The following TBX22 variants were observed in gnomAD, a reference collection of about 807,000 sequenced individuals.
The protein encoded by TBX22 is T-box transcription factor TBX22.
Under a neutral mutation model 30.1 loss-of-function variants are expected in TBX22, and 8 were observed. The observed-to-expected ratio is 0.27, with a 90% CI of 0.16 to 0.48. TBX22 has a LOEUF of 0.48. Among genes scored for constraint, TBX22 ranks in the 20% least tolerant of loss-of-function variants. TBX22 has a pLI of 0.99. For synonymous variants in TBX22, 173 were observed against 149.1 expected (o/e 1.16, Z -1.17); for missense variants, 463 against 400.5 (o/e 1.16, Z -1.33).
chrX:80,028,480 A>C lies in TBX22; in HGVS notation c.949+404A>C, dbSNP rs188419823. ...ATGAGGACCTTTCAGTACATGTTAA[A>C]ATGACTTTCATTAAATTCATCACTG... On this transcript the variant is annotated intron_variant, in intron 8 of 8. Coordinates refer to ENST00000373296, the MANE Select transcript of TBX22 (RefSeq NM_001109878.2). 4.5e-5 allele frequency among the ~76,000 whole-genome samples: 5 copies of C among 111,995 alleles called. No individual in the cohort carries two copies. In the Admixed American group the frequency reaches 4.7e-4, roughly 11 times the overall value.
At chrX:80,027,196 GGC>G in intron 6 of TBX22, 58 bp from the exon 7 acceptor site, 2 of 655,663 alleles carry the variant, frequency 3.1e-6, no homozygotes, top group Non-Finnish European at 5.1e-6. Flanking sequence ...TATAAGCAAT[GGC>G]AACAGTGTTC....
At position 80,031,141 on chromosome X, in the gene TBX22, A is replaced by C; in HGVS notation, c.*30A>C. 1 of 1,176,242 alleles carries C rather than the reference A, an allele frequency of 8.5e-7. No individual in the cohort carries two copies. Among genetic ancestry groups the C allele is most frequent in the Non-Finnish European group, 1.1e-6 (1 of 870,761 alleles). ...ACAATAGCATTTCTAGAACAATTAC[A>C]TGTAAACAAATATTTTCTTTATTTG... On this transcript the variant is annotated 3_prime_UTR_variant, in exon 9 of 9. Coordinates refer to ENST00000373296, the MANE Select transcript of TBX22 (RefSeq NM_001109878.2).
intron 1 of TBX22, among the ~76,000 whole-genome samples, chrX:80,021,643 A>T (rs1403261809): frequency 9.0e-6 from 1 of 111,265 alleles, no homozygotes; most frequent in Non-Finnish European, 1.9e-5. Context: ...CTACTTCCCT[A>T]TCTATAGCTT....
At position 80,026,352 on chromosome X, in the gene TBX22, G is replaced by T. The variant is rs764215374; in HGVS notation, c.634-352G>T. On this transcript the variant is annotated intron_variant, in intron 5 of 8. Transcript: ENST00000373296. ...GAAGCTCCCAAGATTAGGAGGTAGG[G>T]TATGTCAGGTTACCCACCATATCCA... Among the ~76,000 whole-genome samples the T allele has an allele frequency of 1.8e-4, 20 of 111,640 alleles. No individual in the cohort carries two copies. The South Asian group carries it at 7.6e-3, about 42-fold the overall frequency.
intron 1 of TBX22, among the ~76,000 whole-genome samples, chrX:80,015,547 G>A (rs1326803504): frequency 8.9e-6 from 1 of 112,505 alleles, no homozygotes; most frequent in African/African-American, 3.2e-5. Context: ...GAACATCAAA[G>A]TGTGCCAAAA....
chrX:80,025,987 A>T (rs1923956980), intron 5 of TBX22, among the ~76,000 whole-genome samples: 1 of 111,304 alleles, frequency 9.0e-6, no homozygotes, highest in Non-Finnish European at 1.9e-5. Flanking sequence ...GGGGATGGTG[A>T]ATATAGGGAG....
Position 80,022,262 on chromosome X carries a change from C to A in TBX22, c.-2-6C>A. 1 of 1,211,138 alleles carries A rather than the reference C, an allele frequency of 8.3e-7. No homozygotes were observed. The highest frequency in any genetic ancestry group is 1.1e-6 in the Non-Finnish European group (1 of 895,210). ...TTGCTGCAAAGAATCCCTTCACCCC[C>A]TCCAGGGATGGCTCTGAGCTCTCGG... On this transcript the variant is annotated splice_region_variant and splice_polypyrimidine_tract_variant and intron_variant, in intron 1 of 8. Coordinates refer to ENST00000373296, the MANE Select transcript of TBX22 (RefSeq NM_001109878.2).
In TBX22 at chrX:80,026,739, A is replaced by C; in HGVS notation, c.669A>C (p.Arg223=). 2.5e-6 allele frequency: 3 copies of C among 1,211,138 alleles called. No individual in the cohort carries two copies. The highest frequency in any genetic ancestry group is 3.4e-6 in the Non-Finnish European group (3 of 894,944). ...AATCCATGCATAAGTACAAACCCCG[A>C]GTGCACGTGATAGAGCAAGGCAGCA... The part of the protein sequence containing the change: ...ILQSMHKYKP[R]VHVIEQGSSV... The change falls in exon 6 of 9, where the codon CGA becomes CGC. Residue 223 remains arginine (R), a synonymous_variant. Coordinates refer to ENST00000373296, the MANE Select transcript of TBX22 (RefSeq NM_001109878.2).
chrX:80,022,285 C>G lies in TBX22; in HGVS notation c.16C>G (p.Arg6Gly). MALSSRARAFSVEALV... is the reference protein window; with the variant it reads MALSSGARAFSVEALV... The stretch of plus-strand genomic sequence containing the variant: ...CCCTCCAGGGATGGCTCTGAGCTCT[C>G]GGGCGCGTGCCTTCTCCGTGGAAGC... Residue 6 changes from arginine (R) to glycine (G), a missense_variant, in exon 2 of 9, where the codon CGG (arginine) becomes GGG (glycine). Arg to Gly is a moderately radical substitution (Grantham distance 125). Transcript: ENST00000373296. 9 of 1,211,297 alleles carry G rather than the reference C, an allele frequency of 7.4e-6. No individual in the cohort carries two copies. The highest frequency in any genetic ancestry group is 1.0e-5 in the Non-Finnish European group (9 of 895,386).
intron 1 of TBX22, among the ~76,000 whole-genome samples, chrX:80,015,413 C>A (rs771282394): frequency 2.7e-5 from 3 of 111,989 alleles, no homozygotes; most frequent in South Asian, 7.6e-4. Flanking sequence ...TACTTTCTAC[C>A]GAGGCTCTTC....
rs919309417 is a variant in TBX22, at chrX:80,014,813, A to G, written c.-77A>G. 1.8e-5 allele frequency: 2 copies of G among 112,246 alleles called. No homozygotes were observed. Among genetic ancestry groups the G allele is most frequent in the African/African-American group, 6.5e-5 (2 of 30,868 alleles). The allele number at this position is 112,246 out of a possible 1,213,427, so 9.3% of individuals were successfully genotyped here. A position where few individuals can be genotyped will look rare whatever the true frequency, so the allele number is the denominator to read the frequency against. On this transcript the variant is annotated 5_prime_UTR_variant, in exon 1 of 9. Coordinates refer to ENST00000373296, the MANE Select transcript of TBX22 (RefSeq NM_001109878.2). ...GCATTTGCAGAGTGAATGAGCTCTGACTGAGACTTGACTTCAGAACCACTG... is the reference window on the plus strand; with the variant it reads ...GCATTTGCAGAGTGAATGAGCTCTGGCTGAGACTTGACTTCAGAACCACTG...
intron 4 of TBX22, 82 bp from the exon 5 acceptor site, chrX:80,025,520 TG>T: frequency 1.3e-6 from 1 of 795,239 alleles, no homozygotes; most frequent in Non-Finnish European, 1.9e-6. Flanking sequence ...TGGGCTAATC[TG>T]GAGTGAAGTC....
At chrX:80,017,318 T>TGTGTGTGTG (rs1325915420) in intron 1 of TBX22, among the ~76,000 whole-genome samples, 11 of 87,065 alleles carry the variant, frequency 1.3e-4, no homozygotes, top group African/African-American at 6.0e-4. Flanking sequence ...GTGTGTGTGT[T>TGTGTGTGTG]TTCTTTAATT....
At chrX:80,021,906 T>G (rs1434063205) in intron 1 of TBX22, among the ~76,000 whole-genome samples, 3 of 111,903 alleles carry the variant, frequency 2.7e-5, no homozygotes, top group African/African-American at 9.7e-5. Flanking sequence ...GGACTAATGG[T>G]CTGCACATGT....
At chrX:80,030,311 T>C (rs1386107111) in intron 8 of TBX22, among the ~76,000 whole-genome samples, 187 bp from the exon 9 acceptor site, 1 of 112,071 alleles carries the variant, frequency 8.9e-6, no homozygotes, top group East Asian at 2.8e-4. Flanking sequence ...ATACCTAGTA[T>C]AGATACTATA....
In TBX22 at chrX:80,031,296, A is replaced by G; in HGVS notation, c.*185A>G. 2.2e-6 allele frequency: 1 copy of G among 457,465 alleles called. No individual in the cohort carries two copies. The highest frequency in any genetic ancestry group is 3.6e-6 in the Non-Finnish European group (1 of 273,997). 37.7% of individuals were successfully genotyped at this position (457,465 alleles called of 1,213,427 possible). On this transcript the variant is annotated 3_prime_UTR_variant, in exon 9 of 9. Coordinates refer to ENST00000373296, the MANE Select transcript of TBX22 (RefSeq NM_001109878.2). ...TCATGAAGAGTTGTTTATAATGTCA[A>G]ATGAAACCTACAGGAATCTCTGATT...
rs757571902 is a variant in TBX22 at position 80,031,208 on chromosome X, C to A, written c.*97C>A. Reference sequence around the variant, plus strand: ...AACAGTTATTGGGCTTAAAAAGCATCATTACAATACAGTATTTCTTTGTTA... The same window carrying A: ...AACAGTTATTGGGCTTAAAAAGCATAATTACAATACAGTATTTCTTTGTTA... On this transcript the variant is annotated 3_prime_UTR_variant, in exon 9 of 9. Transcript: ENST00000373296. 1.4e-4 allele frequency: 104 copies of A among 766,640 alleles called. No homozygotes were observed. In the African/African-American group the frequency reaches 1.9e-3, roughly 14 times the overall value. 63.2% of individuals were successfully genotyped at this position (766,640 alleles called of 1,213,427 possible).
rs755314026 is a variant in TBX22 at position 80,029,070 on chromosome X, T to A, written c.949+994T>A. 4.5e-5 allele frequency among the ~76,000 whole-genome samples: 5 copies of A among 112,202 alleles called. No individual in the cohort carries two copies. The East Asian group carries it at 1.4e-3, about 31-fold the overall frequency. ...GCACTAATAAAGAAAAAGTTAAAGA[T>A]GATCATGAAATGATAATTTAAAGTA... On this transcript the variant is annotated intron_variant, in intron 8 of 8. Coordinates refer to ENST00000373296, the MANE Select transcript of TBX22 (RefSeq NM_001109878.2).
At chrX:80,018,445 T>C (rs1428939805) in intron 1 of TBX22, among the ~76,000 whole-genome samples, 2 of 111,725 alleles carry the variant, frequency 1.8e-5, no homozygotes, top group African/African-American at 3.3e-5. Context: ...TTTGAATTTC[T>C]TAAAAAAAAA....
Sources: allele counts gnomAD v4.1 joint callset (sites outside exome capture counted in the v4.1 genomes callset), GRCh38; gene constraint gnomAD v4.1.1; transcripts MANE v1.5; gene names NCBI Gene and HGNC (gene_info 2026-07-23, HGNC 2026-07-21).